Variants in GRIA1 observed in about 807,000 individuals in gnomAD.
The protein encoded by GRIA1 is glutamate receptor 1.
A neutral mutation model predicts 99.2 loss-of-function variants in GRIA1; 31 were observed. The ratio of observed to expected loss-of-function variants is 0.31; its 90% CI spans 0.23 to 0.42. The LOEUF (loss-of-function observed/expected upper bound fraction) is 0.42, where lower values mean the gene tolerates loss of function less well. Among genes scored for constraint, GRIA1 ranks in the 10% least tolerant of loss-of-function variants. GRIA1 has a pLI of 1.00. For synonymous variants in GRIA1, 438 were observed against 432.4 expected (o/e 1.01, Z -0.16); for missense variants, 782 against 1,157.5 (o/e 0.68, Z 4.71).
chr5:153,704,023 G>T (rs561525309), intron 10 of GRIA1, among the ~76,000 whole-genome samples: 153 of 152,248 alleles, frequency 1.0e-3, no homozygotes, highest in Admixed American at 2.2e-3. Context: ...TGGGTATTAG[G>T]GGAAAAAACA....
chr5:153,674,110 C>T (rs552376530), intron 5 of GRIA1, among the ~76,000 whole-genome samples: 2 of 152,364 alleles, frequency 1.3e-5, no homozygotes, highest in African/African-American at 4.8e-5. Flanking sequence ...ATATCTGCAT[C>T]ATCATAATAA....
intron 13 of GRIA1, among the ~76,000 whole-genome samples, chr5:153,775,595 A>G (rs891261332): frequency 2.0e-5 from 3 of 152,210 alleles, no homozygotes; most frequent in Non-Finnish European, 4.4e-5. Context: ...TGGTTTCCAA[A>G]TACCTTCTCA....
At chr5:153,635,632 T>G (rs1753293680) in intron 2 of GRIA1, among the ~76,000 whole-genome samples, 1 of 152,220 alleles carries the variant, frequency 6.6e-6, no homozygotes, top group South Asian at 2.1e-4. Flanking sequence ...GACCCAAGGC[T>G]CAGACCCCAA....
chr5:153,758,724 A>G (rs1458147009), intron 11 of GRIA1, among the ~76,000 whole-genome samples: 1 of 151,980 alleles, frequency 6.6e-6, no homozygotes, highest in Admixed American at 6.6e-5. Flanking sequence ...GACCTAACAT[A>G]CCTTTATAGA....
intron 2 of GRIA1, among the ~76,000 whole-genome samples, chr5:153,551,126 C>G (rs1427908530): frequency 2.0e-5 from 3 of 152,000 alleles, no homozygotes; most frequent in African/African-American, 4.8e-5. Context: ...TATTATGTGT[C>G]TAGACCCTTA....
intron 11 of GRIA1, among the ~76,000 whole-genome samples, chr5:153,763,416 T>C (rs1261343110): frequency 6.6e-6 from 1 of 152,178 alleles, no homozygotes; most frequent in African/African-American, 2.4e-5. Context: ...TATTGAAGGC[T>C]CTGAGCTTGA....
chr5:153,675,807 C>T (rs543386634), intron 6 of GRIA1, among the ~76,000 whole-genome samples: 1 of 152,096 alleles, frequency 6.6e-6, no homozygotes, highest in Admixed American at 6.5e-5. Context: ...AATGATTGCA[C>T]TCCAATTTCC....
chr5:153,764,362 T>TG (rs1046468682), intron 11 of GRIA1, 72 bp from the exon 12 acceptor site: 8 of 1,168,140 alleles, frequency 6.8e-6, no homozygotes, highest in Non-Finnish European at 1.0e-5. Context: ...CCCGGACCCG[T>TG]GCTCAGTCCC....
At chr5:153,653,106 C>T (rs1173862103) in intron 4 of GRIA1, among the ~76,000 whole-genome samples, 1 of 152,170 alleles carries the variant, frequency 6.6e-6, no homozygotes, top group African/African-American at 2.4e-5. Context: ...TTATTTTCTT[C>T]CCTGCTGAGT....
At chr5:153,683,053 G>A (rs1180116823) in intron 7 of GRIA1, among the ~76,000 whole-genome samples, 2 of 152,160 alleles carry the variant, frequency 1.3e-5, no homozygotes, top group Non-Finnish European at 2.9e-5. Flanking sequence ...CAGGAACCAA[G>A]AAGAAGTGCC....
intron 2 of GRIA1, among the ~76,000 whole-genome samples, chr5:153,496,921 C>G (rs1754490995): frequency 6.6e-6 from 1 of 150,846 alleles, no homozygotes; most frequent in East Asian, 1.9e-4. Context: ...TTGATTTTTT[C>G]CCTTTGCATT....
chr5:153,679,242 T>C (rs1004830028), intron 7 of GRIA1, among the ~76,000 whole-genome samples: 5 of 152,110 alleles, frequency 3.3e-5, no homozygotes, highest in Non-Finnish European at 7.4e-5. Flanking sequence ...CCTGGCAGTG[T>C]CTATGGAGAA....
At chr5:153,506,447 A>C (rs959923010) in intron 2 of GRIA1, among the ~76,000 whole-genome samples, 2 of 151,944 alleles carry the variant, frequency 1.3e-5, no homozygotes, top group African/African-American at 2.4e-5. Context: ...TATAAAAAGG[A>C]TGCTGAGATT....
intron 3 of GRIA1, among the ~76,000 whole-genome samples, chr5:153,650,022 T>G (rs1313935818): frequency 6.6e-6 from 1 of 152,180 alleles, no homozygotes; most frequent in Non-Finnish European, 1.5e-5. Context: ...TGAGCATTAT[T>G]TACACCACAC....
chr5:153,745,519 G>A (rs564097009), intron 11 of GRIA1, among the ~76,000 whole-genome samples: 2 of 148,244 alleles, frequency 1.3e-5, no homozygotes, highest in East Asian at 4.0e-4. Flanking sequence ...AACCCAGGAG[G>A]CAGAGGTTAC....
chr5:153,596,890 C>T (rs183254611), intron 2 of GRIA1, among the ~76,000 whole-genome samples: 26 of 152,332 alleles, frequency 1.7e-4, no homozygotes, highest in African/African-American at 4.8e-4. Flanking sequence ...CTGGTCCCAC[C>T]GGCAAGCCGG....
intron 11 of GRIA1, among the ~76,000 whole-genome samples, chr5:153,709,985 A>T (rs1053962930): frequency 7.9e-5 from 12 of 152,218 alleles, no homozygotes; most frequent in African/African-American, 2.2e-4. Context: ...AGATAGAAAT[A>T]ATCCAGAATT....
rs757848265 is a variant in GRIA1 at position 153,545,416 on chromosome 5, A to G, written c.220+51351A>G. Among the ~76,000 whole-genome samples the G allele has an allele frequency of 2.6e-5, 4 of 152,240 alleles. No individual in the cohort carries two copies. In the South Asian group the frequency reaches 6.2e-4, roughly 24 times the overall value. On this transcript the variant is annotated intron_variant, in intron 2 of 15. Coordinates refer to ENST00000285900, the MANE Select transcript of GRIA1 (RefSeq NM_000827.4). Reference sequence around the variant, plus strand: ...TGGATGTCTTCAGGGACTGGGGGGAAGTTTGGGTATCTTTAAGATGGCATG... The same window carrying G: ...TGGATGTCTTCAGGGACTGGGGGGAGGTTTGGGTATCTTTAAGATGGCATG...
In GRIA1 at chr5:153,549,419, AAGAT is replaced by A. The variant is rs555952456; in HGVS notation, c.220+55357_220+55360del. Among the ~76,000 whole-genome samples, 156 of 152,250 alleles carry A rather than the reference AAGAT, an allele frequency of 1.0e-3. 2 individuals are homozygous for A. In the South Asian group the frequency reaches 0.013, roughly 12 times the overall value. ...CACTGGGTTTTAATCAGGAAAAAGA[AAGAT>A]AGCCATAAATTTAAACTCTGAAAAA... On this transcript the variant is annotated intron_variant, in intron 2 of 15. Coordinates refer to ENST00000285900, the MANE Select transcript of GRIA1 (RefSeq NM_000827.4).
Sources: allele counts gnomAD v4.1 joint callset (sites outside exome capture counted in the v4.1 genomes callset), GRCh38; gene constraint gnomAD v4.1.1; transcripts MANE v1.5; gene names NCBI Gene and HGNC (gene_info 2026-07-23, HGNC 2026-07-21).